MRTFB: variants seen among roughly 807,000 people sequenced by gnomAD.
The protein encoded by MRTFB is myocardin-related transcription factor B.
In MRTFB, 29 loss-of-function variants were observed where a neutral mutation model predicts 104.2. The ratio of observed to expected loss-of-function variants is 0.28; its 90% CI spans 0.21 to 0.38. MRTFB has a LOEUF of 0.38. Among genes scored for constraint, MRTFB ranks in the 10% least tolerant of loss-of-function variants. The pLI is 1.00. For synonymous variants in MRTFB, 535 were observed against 519.5 expected, an observed-to-expected ratio of 1.03 and a Z score of -0.41; for missense variants, 1,270 against 1,341.6, an observed-to-expected ratio of 0.95 and a Z score of 0.83.
Position 14,102,479 on chromosome 16 carries a change from TC to T in MRTFB, c.-64+23131del, listed in dbSNP as rs2035755334. Among the ~76,000 whole-genome samples, 3 of 152,226 alleles carry T rather than the reference TC, an allele frequency of 2.0e-5. No homozygotes were observed. In the South Asian group the frequency reaches 6.2e-4, roughly 32 times the overall value. On this transcript the variant is annotated intron_variant, in intron 2 of 16. Coordinates refer to ENST00000571589, the MANE Select transcript of MRTFB (RefSeq NM_001308142.2). ...TAATATTTTGGGTAGGGAACCATTT[TC>T]CCCCCTCTCAAGGACTCAAGAAAAT...
chr16:14,240,858 G>T, intron 10 of MRTFB: 1 of 637,114 alleles, frequency 1.6e-6, no homozygotes, highest in South Asian at 1.9e-5. Flanking sequence ...AAGCTGGAGT[G>T]GTCAAAGGAA....
chr16:14,265,147 G>C lies in MRTFB; in HGVS notation c.*3703G>C, dbSNP rs1232619910. 1 of 152,206 alleles carries C rather than the reference G, an allele frequency of 6.6e-6. No individual in the cohort carries two copies. The highest frequency in any genetic ancestry group is 6.5e-5 in the Admixed American group (1 of 15,280). 9.4% of individuals were successfully genotyped at this position (152,206 alleles called of 1,614,324 possible). Reference sequence around the variant, plus strand: ...AAGTCCTGGCTGTCACTCAGGTGGGGAGCTCATGGTGCCGCTGGGGACTTT... The same window carrying C: ...AAGTCCTGGCTGTCACTCAGGTGGGCAGCTCATGGTGCCGCTGGGGACTTT... On this transcript the variant is annotated 3_prime_UTR_variant, in exon 17 of 17. Transcript: ENST00000571589.
intron 4 of MRTFB, among the ~76,000 whole-genome samples, chr16:14,211,992 A>T (rs1383655221): frequency 6.6e-6 from 1 of 152,186 alleles, no homozygotes; most frequent in Admixed American, 6.5e-5. Flanking sequence ...ACTCCCAAGG[A>T]CATACGGACT....
chr16:14,150,681 T>C (rs1212203251), intron 3 of MRTFB, among the ~76,000 whole-genome samples: 1 of 152,004 alleles, frequency 6.6e-6, no homozygotes, highest in East Asian at 1.9e-4. Context: ...AGAAATAAAA[T>C]AAAGGAAATT....
At chr16:14,164,895 G>C (rs544021602) in intron 3 of MRTFB, among the ~76,000 whole-genome samples, 10 of 151,004 alleles carry the variant, frequency 6.6e-5, no homozygotes, top group Non-Finnish European at 1.3e-4. Context: ...AATAATTATC[G>C]AGGGTTAGGG....
At chr16:14,245,337 C>G (rs538527324) in intron 10 of MRTFB, among the ~76,000 whole-genome samples, 191 bp from the exon 11 acceptor site, 1 of 152,148 alleles carries the variant, frequency 6.6e-6, no homozygotes, top group Non-Finnish European at 1.5e-5. Flanking sequence ...ATTTCCGTCA[C>G]GCTAGCAAAC....
chr16:14,033,483 G>T, the MRTFB span, among the ~76,000 whole-genome samples: 11 of 151,962 alleles, frequency 7.2e-5, no homozygotes, highest in African/African-American at 2.4e-4. Context: ...GGATATTGCA[G>T]TGAGCCGTGT....
chr16:14,205,638 G>A (rs2040906985), intron 3 of MRTFB, among the ~76,000 whole-genome samples: 1 of 152,178 alleles, frequency 6.6e-6, no homozygotes, highest in East Asian at 1.9e-4. Flanking sequence ...ATGTTCAAAT[G>A]TGAGCAATTG....
At chr16:14,116,833 G>C (rs1237060515) in intron 2 of MRTFB, among the ~76,000 whole-genome samples, 1 of 152,078 alleles carries the variant, frequency 6.6e-6, no homozygotes, top group African/African-American at 2.4e-5. Context: ...AGTCACCCCT[G>C]GTTGAGATCT....
At chr16:14,253,314 T>C (rs1420681621) in intron 15 of MRTFB, among the ~76,000 whole-genome samples, 1 of 152,210 alleles carries the variant, frequency 6.6e-6, no homozygotes, top group Non-Finnish European at 1.5e-5. Context: ...GGAGTGGCCC[T>C]GACACCGCTC....
In MRTFB at chr16:14,266,600, CCATA is replaced by C. The variant is rs951673056; in HGVS notation, c.*5160_*5163del. 1 of 152,182 alleles carries C rather than the reference CCATA, an allele frequency of 6.6e-6. No homozygotes were observed. Among genetic ancestry groups the C allele is most frequent in the Non-Finnish European group, 1.5e-5 (1 of 68,026 alleles). 9.4% of individuals were successfully genotyped at this position (152,182 alleles called of 1,614,324 possible). A position where few individuals can be genotyped will look rare whatever the true frequency, so the allele number is the denominator to read the frequency against. ...ATCAATTCCATATCATGTTTGAATGCCATACATTTTGCACATGTACTGTACATAA... is the reference window on the plus strand; with the variant it reads ...ATCAATTCCATATCATGTTTGAATGCCATTTTGCACATGTACTGTACATAA... On this transcript the variant is annotated 3_prime_UTR_variant, in exon 17 of 17. Coordinates refer to ENST00000571589, the MANE Select transcript of MRTFB (RefSeq NM_001308142.2).
intron 8 of MRTFB, among the ~76,000 whole-genome samples, chr16:14,225,240 A>G (rs1170114386): frequency 6.6e-6 from 1 of 152,204 alleles, no homozygotes; most frequent in Admixed American, 6.5e-5. Flanking sequence ...CAGTATTATA[A>G]TTTTGGTCTG....
chr16:14,200,893 A>G, intron 3 of MRTFB: 2 of 1,452,054 alleles, frequency 1.4e-6, no homozygotes, highest in Non-Finnish European at 1.9e-6. Context: ...GGGCAGCAGA[A>G]AGAATTTAAC....
chr16:14,193,210 C>CAAAAAAAAAAAAA (rs10616011), intron 3 of MRTFB, among the ~76,000 whole-genome samples: 1 of 56,402 alleles, frequency 1.8e-5, no homozygotes, highest in Non-Finnish European at 3.1e-5. Flanking sequence ...GACCCTGTCT[C>CAAAAAAAAAAAAA]AAAAAAAAAA....
chr16:14,139,179 T>C (rs1338877361), intron 2 of MRTFB, among the ~76,000 whole-genome samples: 1 of 152,208 alleles, frequency 6.6e-6, no homozygotes, highest in Non-Finnish European at 1.5e-5. Context: ...GATAAAGCAC[T>C]TGTATCCAAA....
At chr16:14,016,349 C>A in the MRTFB span, among the ~76,000 whole-genome samples, 2 of 147,574 alleles carry the variant, frequency 1.4e-5, no homozygotes, top group Non-Finnish European at 3.0e-5. Context: ...GAACTTGCAA[C>A]TTTTGCAGTG....
intron 1 of MRTFB, among the ~76,000 whole-genome samples, chr16:14,077,215 T>G (rs1348132634): frequency 6.6e-6 from 1 of 152,236 alleles, no homozygotes; most frequent in Non-Finnish European, 1.5e-5. Flanking sequence ...GTGTTTTCTT[T>G]TAGTGCTTTT....
chr16:14,011,824 A>T, the MRTFB span, among the ~76,000 whole-genome samples: 2 of 152,198 alleles, frequency 1.3e-5, no homozygotes, highest in Non-Finnish European at 2.9e-5. Flanking sequence ...GTGAGCCAAG[A>T]TCATGCCACT....
chr16:14,008,273 A>G, the MRTFB span, among the ~76,000 whole-genome samples: 4 of 152,198 alleles, frequency 2.6e-5, no homozygotes, highest in Admixed American at 6.5e-5. Flanking sequence ...CTTAGAATCC[A>G]TTGACTAATC....
Sources: allele counts gnomAD v4.1 joint callset (sites outside exome capture counted in the v4.1 genomes callset), GRCh38; gene constraint gnomAD v4.1.1; transcripts MANE v1.5; gene names NCBI Gene and HGNC (gene_info 2026-07-23, HGNC 2026-07-21).